Variants in CCDC61 observed in about 807,000 individuals in gnomAD.
The protein encoded by CCDC61 is coiled-coil domain containing 61, also known as centrosomal protein CCDC61.
In CCDC61, 55 loss-of-function variants were observed where a neutral mutation model predicts 63.0. That is an observed-to-expected ratio of 0.87 (90% CI 0.70 to 1.09). The LOEUF (loss-of-function observed/expected upper bound fraction) is 1.09, where lower values mean the gene tolerates loss of function less well. CCDC61 is among the 50% of genes least tolerant of loss of function. The probability of loss-of-function intolerance (pLI) is 0.00; values close to 1 mark genes in which losing one functional copy is unlikely to be tolerated. For missense variants in CCDC61, 651 were observed against 731.4 expected, an observed-to-expected ratio of 0.89 and a Z score of 1.27; for synonymous variants, 270 against 317.0, an observed-to-expected ratio of 0.85 and a Z score of 1.58.
At chr19:46,009,958 A>G (rs997966866) in intron 5 of CCDC61, among the ~76,000 whole-genome samples, 1 of 152,082 alleles carries the variant, frequency 6.6e-6, no homozygotes, top group African/African-American at 2.4e-5. Context: ...CAACCACAGG[A>G]GCCTTGAGAT....
Position 46,017,023 on chromosome 19 carries a change from A to C in CCDC61, c.1264A>C (p.Ser422Arg), listed in dbSNP as rs1168363864. ...TTTCCGCAGCCGCTGCTCGTCTGCC[A>C]GCTCCTGCAGCGATTTGGAGGATTT... The part of the protein sequence containing the change: ...DSFRSRCSSA[S>R]SCSDLEDFSE... The change falls in exon 11 of 14, where the codon AGC (serine) becomes CGC (arginine). Residue 422 changes from serine to arginine, a missense_variant. Transcript: ENST00000595358. The C allele has an allele frequency of 6.2e-7, 1 of 1,612,608 alleles. No individual in the cohort carries two copies. The highest frequency in any genetic ancestry group is 1.1e-5 in the South Asian group (1 of 90,546).
At chr19:46,000,124 CGGT>C in intron 1 of CCDC61, 1 of 911,384 alleles carries the variant, frequency 1.1e-6, no homozygotes, top group Non-Finnish European at 1.3e-6. Flanking sequence ...CTAGAAGTGG[CGGT>C]GGTGGTGGGG....
chr19:45,998,803 G>C lies in CCDC61; in HGVS notation c.-12+3299G>C, dbSNP rs34356964. Among the ~76,000 whole-genome samples the C allele has an allele frequency of 5.1e-4, 77 of 152,190 alleles. No homozygotes were observed. The East Asian group carries it at 0.012, about 24-fold the overall frequency. ...ATAAGGTAGGAGCTCTTATTATCCCGCTTTACTGATGGGGGAAGGCCCAGA... is the reference window on the plus strand; with the variant it reads ...ATAAGGTAGGAGCTCTTATTATCCCCCTTTACTGATGGGGGAAGGCCCAGA... On this transcript the variant is annotated intron_variant, in intron 1 of 13. Coordinates refer to ENST00000595358, the MANE Select transcript of CCDC61 (RefSeq NM_001267723.2).
chr19:46,016,230 G>A lies in CCDC61; in HGVS notation c.1015+7G>A. Reference sequence around the variant, plus strand: ...CCCTCGCCCTCGCCCACAGGTCTGTGCCCCTGCCCTGCGGTAGGGAGGGGA... The same window carrying A: ...CCCTCGCCCTCGCCCACAGGTCTGTACCCCTGCCCTGCGGTAGGGAGGGGA... On this transcript the variant is annotated splice_region_variant and intron_variant, in intron 8 of 13. Transcript: ENST00000595358. This position sits in a 1 kb window ranked among gnomAD's most constrained non-coding sequence, Gnocchi z 7.2. 2 of 1,560,918 alleles carry A rather than the reference G, an allele frequency of 1.3e-6. No homozygotes were observed. The highest frequency in any genetic ancestry group is 1.7e-6 in the Non-Finnish European group (2 of 1,155,502).
chr19:46,017,681 C>T (rs1237494836), intron 12 of CCDC61, among the ~76,000 whole-genome samples: 2 of 152,206 alleles, frequency 1.3e-5, no homozygotes, highest in African/African-American at 4.8e-5. Flanking sequence ...GCTGGGCCAG[C>T]GCACCTGGCC....
At chr19:46,009,754 A>G (rs1264295469) in intron 5 of CCDC61, among the ~76,000 whole-genome samples, 1 of 152,048 alleles carries the variant, frequency 6.6e-6, no homozygotes, top group Admixed American at 6.5e-5. Flanking sequence ...GGGCCGAGGA[A>G]GGCCGCAGTG....
chr19:46,016,147 G>A lies in CCDC61; in HGVS notation c.939G>A (p.Ala313=). ...ERSASRGRGA[A]RSSSRESGRG... is the part of the protein sequence containing the mutation. Reference sequence around the variant, plus strand: ...CCGCGTCGCGAGGCCGCGGCGCCGCGCGCTCCTCATCCCGGGAGAGCGGCC... The same window carrying A: ...CCGCGTCGCGAGGCCGCGGCGCCGCACGCTCCTCATCCCGGGAGAGCGGCC... Residue 313 remains alanine (A), a synonymous_variant, in exon 8 of 14, where the codon GCG becomes GCA. Transcript: ENST00000595358. This position sits in a 1 kb window ranked among gnomAD's most constrained non-coding sequence, Gnocchi z 7.2. 8.0e-7 allele frequency: 1 copy of A among 1,249,008 alleles called. No individual in the cohort carries two copies. The highest frequency in any genetic ancestry group is 1.0e-6 in the Non-Finnish European group (1 of 999,152). The allele number at this position is 1,249,008 out of a possible 1,614,324, so 77.4% of individuals were successfully genotyped here.
chr19:46,011,872 T>C (rs549835399), intron 5 of CCDC61, among the ~76,000 whole-genome samples: 1 of 152,124 alleles, frequency 6.6e-6, no homozygotes, highest in Non-Finnish European at 1.5e-5. Flanking sequence ...GCGTGATCTC[T>C]GCTCACTGCA....
At chr19:46,000,871 G>T (rs1968577413) in intron 1 of CCDC61, among the ~76,000 whole-genome samples, 1 of 151,924 alleles carries the variant, frequency 6.6e-6, no homozygotes, top group African/African-American at 2.4e-5. Flanking sequence ...TGCTCTTCGC[G>T]GGGTGGGTAT....
chr19:46,004,190 T>G (rs1968652428), intron 3 of CCDC61, among the ~76,000 whole-genome samples: 1 of 152,186 alleles, frequency 6.6e-6, no homozygotes, highest in African/African-American at 2.4e-5. Context: ...TCCACCCGCC[T>G]CTGCCTCCCA....
chr19:46,011,151 C>T (rs1968822501), intron 5 of CCDC61, among the ~76,000 whole-genome samples: 1 of 151,466 alleles, frequency 6.6e-6, no homozygotes, highest in Non-Finnish European at 1.5e-5. Context: ...TGGGCTCAAG[C>T]GATTCTCCCA....
intron 3 of CCDC61, among the ~76,000 whole-genome samples, chr19:46,004,229 T>G (rs551385101): frequency 1.3e-5 from 2 of 152,258 alleles, no homozygotes; most frequent in South Asian, 4.1e-4. Context: ...CGTGAACCAC[T>G]GCGCCCAGCC....
Position 46,018,461 on chromosome 19 carries a change from G to A in CCDC61, c.*74G>A. On this transcript the variant is annotated 3_prime_UTR_variant, in exon 14 of 14. Transcript: ENST00000595358. The surrounding 1 kb of genome is among the most constrained non-coding windows in gnomAD (Gnocchi z 4.2). ...TGGTGTGGGGGGTGGGGCCAGGGTGGCCTCCAGCCCTGCCCAGTCCCTGCC... is the reference window on the plus strand; with the variant it reads ...TGGTGTGGGGGGTGGGGCCAGGGTGACCTCCAGCCCTGCCCAGTCCCTGCC... The A allele has an allele frequency of 7.7e-7, 1 of 1,295,130 alleles. No individual in the cohort carries two copies. The highest frequency in any genetic ancestry group is 1.1e-6 in the Non-Finnish European group (1 of 923,818). The allele number at this position is 1,295,130 out of a possible 1,614,324, so 80.2% of individuals were successfully genotyped here. A position where few individuals can be genotyped will look rare whatever the true frequency, so the allele number is the denominator to read the frequency against.
At chr19:45,999,920 C>T (rs1968559508) in intron 1 of CCDC61, 1 of 647,530 alleles carries the variant, frequency 1.5e-6, no homozygotes, top group African/African-American at 2.0e-5. Flanking sequence ...GGCGGGGCCT[C>T]GAAGGCACCG....
In CCDC61 at chr19:46,008,206, C is replaced by A. The variant is rs201075069; in HGVS notation, c.456C>A (p.Ile152=). The A allele has an allele frequency of 2.0e-4, 321 of 1,613,034 alleles. 2 individuals are homozygous for A. In the African/African-American group the frequency reaches 3.8e-3, roughly 19 times the overall value. Residue 152 remains isoleucine, a synonymous_variant, in exon 5 of 14, where the codon ATC becomes ATA. Transcript: ENST00000595358. ...KPDPVVLQGI[I]RSLKEELGRL... is the part of the protein sequence containing the mutation. ...ACCCCGTGGTTCTGCAGGGCATCAT[C>A]CGGTCACTGAAGGAGGAACTGGGCC...
intron 1 of CCDC61, among the ~76,000 whole-genome samples, chr19:45,997,319 A>T (rs937267166): frequency 4.6e-5 from 7 of 152,320 alleles, no homozygotes; most frequent in Admixed American, 3.9e-4. Flanking sequence ...CTCAAGCTAA[A>T]ATAACTCCTG....
At chr19:45,996,994 A>G (rs542998360) in intron 1 of CCDC61, among the ~76,000 whole-genome samples, 4 of 152,254 alleles carry the variant, frequency 2.6e-5, no homozygotes, top group South Asian at 2.1e-4. Flanking sequence ...AGTCTTCACC[A>G]TATCCACGAG....
In CCDC61 at chr19:46,006,541, C is replaced by T. The variant is rs1263150704; in HGVS notation, c.232-18C>T. On this transcript the variant is annotated intron_variant, in intron 3 of 13. Transcript: ENST00000595358. ...AGTGGCGGGTGCTGTGGCAGCTCCT[C>T]CTCTCCTCTCCTGACAGAGTAGTGA... 2 of 1,491,430 alleles carry T rather than the reference C, an allele frequency of 1.3e-6. No homozygotes were observed. Among genetic ancestry groups the T allele is most frequent in the South Asian group, 2.7e-5 (2 of 75,176 alleles). The allele number at this position is 1,491,430 out of a possible 1,614,324, so 92.4% of individuals were successfully genotyped here.
intron 3 of CCDC61, 35 bp from the exon 4 acceptor site, chr19:46,006,524 G>A: frequency 8.8e-6 from 13 of 1,472,258 alleles, no homozygotes; most frequent in Non-Finnish European, 1.2e-5. Flanking sequence ...GCAGTGGCGG[G>A]TGCTGTGGCA....
Sources: gnomAD v4.1 joint callset for allele counts (sites outside exome capture counted in the v4.1 genomes callset) on GRCh38, gnomAD v4.1.1 for gene constraint, Gnocchi (gnomAD v3.1) non-coding constraint, MANE v1.5 for transcripts, NCBI Gene and HGNC (gene_info 2026-07-23, HGNC 2026-07-21) for gene names.